ACTN1: variants seen among roughly 807,000 people sequenced by gnomAD.
The protein encoded by ACTN1 is alpha-actinin-1.
A neutral mutation model predicts 119.6 loss-of-function variants in ACTN1; 30 were observed. The observed-to-expected ratio is 0.25, with a 90% confidence interval of 0.19 to 0.34. The LOEUF (loss-of-function observed/expected upper bound fraction) is 0.34. Among genes scored for constraint, ACTN1 ranks in the 10% least tolerant of loss-of-function variants. The pLI is 1.00. For synonymous variants in ACTN1, 429 were observed against 472.6 expected (o/e 0.91, Z 1.20); for missense variants, 764 against 1,223.4 (o/e 0.62, Z 5.60).
At chr14:68,946,451 T>C (rs2035946910) in intron 1 of ACTN1, among the ~76,000 whole-genome samples, 1 of 152,182 alleles carries the variant, frequency 6.6e-6, no homozygotes. Context: ...CAGCCCTGCC[T>C]GTGCTTCTAG....
rs144037125 is a variant in ACTN1 at position 68,924,365 on chromosome 14, G to A, written c.220+1193C>T. Among the ~76,000 whole-genome samples, 17 of 152,294 alleles carry A rather than the reference G, an allele frequency of 1.1e-4. 1 individual carries two copies. The East Asian group carries it at 2.7e-3, about 24-fold the overall frequency. On this transcript the variant is annotated intron_variant, in intron 2 of 21. Transcript: ENST00000394419. ...AAGGGCAGTTAGAGCTTGTGCAAAG[G>A]CACAGGAAACAGAAAGTGCATGTCA...
At position 68,882,029 on chromosome 14, in the gene ACTN1, G is replaced by A. The variant is rs188603470; in HGVS notation, c.1953+429C>T. 4.2e-3 allele frequency among the ~76,000 whole-genome samples: 603 copies of A among 142,678 alleles called. 6 individuals are homozygous for A. The highest frequency in any genetic ancestry group is 0.038 in the Middle Eastern group (10 of 264). 93.6% of individuals were successfully genotyped at this position (142,678 alleles called of 152,430 possible). A position where few individuals can be genotyped will look rare whatever the true frequency, so the allele number is the denominator to read the frequency against. On this transcript the variant is annotated intron_variant, in intron 16 of 21. Coordinates refer to ENST00000394419, the MANE Select transcript of ACTN1 (RefSeq NM_001130004.2). The surrounding 1 kb of genome is among the most constrained non-coding windows in gnomAD (Gnocchi z 4.5). ...CAGCTCACTGCAATCTCCGTCTCCC[G>A]GGTTCAAGCGATTCTCCTGCCTCAG...
chr14:68,971,748 C>G (rs1648166600), intron 1 of ACTN1, among the ~76,000 whole-genome samples: 1 of 152,138 alleles, frequency 6.6e-6, no homozygotes, highest in African/African-American at 2.4e-5. Flanking sequence ...TAGGGAAGAC[C>G]CCACTCCCTC....
At chr14:68,887,239 T>C (rs775695872) in intron 11 of ACTN1, 28 of 312,622 alleles carry the variant, frequency 9.0e-5, no homozygotes, top group Admixed American at 2.0e-4. Flanking sequence ...ACACTACATA[T>C]TCAAATTTGT....
In ACTN1 at chr14:68,909,628, G is replaced by A. The variant is rs2033881510; in HGVS notation, c.516-232C>T. Among the ~76,000 whole-genome samples, 1 of 152,180 alleles carries A rather than the reference G, an allele frequency of 6.6e-6. No individual in the cohort carries two copies. ...AGTTCAGATAAACCTGCCATATCCA[G>A]CCCTACCCCCGACCAAGGCCTATGG... On this transcript the variant is annotated intron_variant, in intron 5 of 21. Transcript: ENST00000394419. The surrounding 1 kb of genome is among the most constrained non-coding windows in gnomAD (Gnocchi z 4.1).
chr14:68,972,388 A>G (rs1430213421), intron 1 of ACTN1, among the ~76,000 whole-genome samples: 1 of 152,224 alleles, frequency 6.6e-6, no homozygotes, highest in Non-Finnish European at 1.5e-5. Flanking sequence ...CAAGGATGGC[A>G]GAAGCCATCA....
chr14:68,898,488 CAGAA>C (rs1488505062), intron 8 of ACTN1, among the ~76,000 whole-genome samples: 3 of 152,184 alleles, frequency 2.0e-5, no homozygotes, highest in Non-Finnish European at 2.9e-5. Flanking sequence ...GGTTGGGCGA[CAGAA>C]AGACAGTGGA....
At chr14:68,881,192 T>TC (rs1205906251) in intron 16 of ACTN1, 1 of 543,324 alleles carries the variant, frequency 1.8e-6, no homozygotes, top group Non-Finnish European at 3.3e-6. Flanking sequence ...CAGAGGTATA[T>TC]AACAAGCACT....
chr14:68,878,840 G>GTCCA lies in ACTN1; in HGVS notation c.2361+148_2361+149insTGGA. On this transcript the variant is annotated intron_variant, in intron 19 of 21. Coordinates refer to ENST00000394419, the MANE Select transcript of ACTN1 (RefSeq NM_001130004.2). The surrounding 1 kb of genome is among the most constrained non-coding windows in gnomAD (Gnocchi z 4.4). ...GAGGGCAGAGGGTGGACCAGTGATG[G>GTCCA]GGCAGACAGAGACAGCAGGAGAGGA... The GTCCA allele has an allele frequency of 6.3e-7, 1 of 1,595,238 alleles. No homozygotes were observed. The highest frequency in any genetic ancestry group is 8.5e-7 in the Non-Finnish European group (1 of 1,177,924).
intron 21 of ACTN1, among the ~76,000 whole-genome samples, chr14:68,876,354 G>C (rs920224234): frequency 7.2e-5 from 11 of 152,154 alleles, no homozygotes; most frequent in African/African-American, 2.7e-4. Flanking sequence ...TTACTGAACA[G>C]AACACAGACC....
At position 68,882,804 on chromosome 14, in the gene ACTN1, A is replaced by C; in HGVS notation, c.1818+69T>G. The C allele has an allele frequency of 6.4e-7, 1 of 1,573,508 alleles. No individual in the cohort carries two copies. The highest frequency in any genetic ancestry group is 8.7e-7 in the Non-Finnish European group (1 of 1,152,304). On this transcript the variant is annotated intron_variant, in intron 15 of 21. Transcript: ENST00000394419. This position sits in a 1 kb window ranked among gnomAD's most constrained non-coding sequence, Gnocchi z 4.5. ...ATTTTAAATGAAATTGACAAAAATC[A>C]ATTAAAATGGACAAAAATCCCTGCC...
intron 1 of ACTN1, among the ~76,000 whole-genome samples, chr14:68,965,115 A>G (rs1011284145): frequency 1.3e-5 from 2 of 152,218 alleles, no homozygotes; most frequent in African/African-American, 4.8e-5. Context: ...GCTTACGTGT[A>G]CCCAGAATAA....
In ACTN1 at chr14:68,880,164, G is replaced by A. The variant is rs540910155; in HGVS notation, c.2134-56C>T. On this transcript the variant is annotated intron_variant, in intron 17 of 21. Transcript: ENST00000394419. The surrounding 1 kb of genome is among the most constrained non-coding windows in gnomAD (Gnocchi z 4.6). ...GGGGTCCCAGGCCTGGGCTCCTGGC[G>A]GCCCCTGCCCATCCTACTCCCCAAC... The A allele has an allele frequency of 4.8e-5, 76 of 1,587,752 alleles. No individual in the cohort carries two copies. Among genetic ancestry groups the A allele is most frequent in the Admixed American group, 6.9e-5 (4 of 58,010 alleles).
chr14:68,966,261 C>T (rs1444669552), intron 1 of ACTN1, among the ~76,000 whole-genome samples: 1 of 152,248 alleles, frequency 6.6e-6, no homozygotes, highest in East Asian at 1.9e-4. Context: ...AAAAGAAGTG[C>T]TTAACTCTGC....
chr14:68,910,768 G>A (rs1278899873), intron 4 of ACTN1, among the ~76,000 whole-genome samples: 12 of 152,310 alleles, frequency 7.9e-5, no homozygotes, highest in South Asian at 6.2e-4. Flanking sequence ...AGTCGTGGGC[G>A]TGGTTTCCCC....
chr14:68,914,265 T>C (rs1260563827), intron 3 of ACTN1, among the ~76,000 whole-genome samples: 1 of 151,906 alleles, frequency 6.6e-6, no homozygotes, highest in Non-Finnish European at 1.5e-5. Flanking sequence ...TTTTAAAAAA[T>C]GCACTTTCAT....
chr14:68,904,345 A>G (rs1265376540), intron 7 of ACTN1, among the ~76,000 whole-genome samples: 1 of 152,114 alleles, frequency 6.6e-6, no homozygotes, highest in Non-Finnish European at 1.5e-5. Flanking sequence ...GCCGGACAAC[A>G]AGGGCACATT....
chr14:68,882,177 C>G lies in ACTN1; in HGVS notation c.1953+281G>C, dbSNP rs1328742164. 1.3e-5 allele frequency among the ~76,000 whole-genome samples: 2 copies of G among 152,050 alleles called. No individual in the cohort carries two copies. Among genetic ancestry groups the G allele is most frequent in the Admixed American group, 6.6e-5 (1 of 15,264 alleles). ...TCTCGAACTCCTGACCTCAGGTGATCCACCTGCCTCGGCCTCCCAAAGTGC... is the reference window on the plus strand; with the variant it reads ...TCTCGAACTCCTGACCTCAGGTGATGCACCTGCCTCGGCCTCCCAAAGTGC... On this transcript the variant is annotated intron_variant, in intron 16 of 21. Coordinates refer to ENST00000394419, the MANE Select transcript of ACTN1 (RefSeq NM_001130004.2). The surrounding 1 kb of genome is among the most constrained non-coding windows in gnomAD (Gnocchi z 4.5).
At chr14:68,923,992 A>G (rs2034785163) in intron 2 of ACTN1, among the ~76,000 whole-genome samples, 9 of 152,274 alleles carry the variant, frequency 5.9e-5, no homozygotes, top group Admixed American at 5.9e-4. Flanking sequence ...GTGAAGACAC[A>G]GTAAGTGAAA....
Sources: allele counts gnomAD v4.1 joint callset (sites outside exome capture counted in the v4.1 genomes callset), GRCh38; gene constraint gnomAD v4.1.1; non-coding constraint Gnocchi (gnomAD v3.1); transcripts MANE v1.5; gene names NCBI Gene and HGNC (gene_info 2026-07-23, HGNC 2026-07-21).